Variants in TRPC3 observed in about 807,000 individuals in gnomAD.
TRPC3 encodes short transient receptor potential channel 3.
TRPC3 carries 54 observed loss-of-function variants against 90.9 expected under a neutral mutation model. That is an observed-to-expected ratio of 0.59 (90% CI 0.48 to 0.75). TRPC3 has a LOEUF of 0.75. Ranked by LOEUF, TRPC3 falls within the 30% of genes least tolerant of loss-of-function variation. The probability of loss-of-function intolerance (pLI) is 0.00; values close to 1 mark genes in which losing one functional copy is unlikely to be tolerated. For synonymous variants in TRPC3, 424 were observed against 450.9 expected (o/e 0.94, Z 0.75); for missense variants, 918 against 1,194.5 (o/e 0.77, Z 3.41).
chr4:121,894,623 G>A (rs1394217498), intron 10 of TRPC3, among the ~76,000 whole-genome samples: 2 of 119,106 alleles, frequency 1.7e-5, no homozygotes, highest in African/African-American at 6.5e-5. Flanking sequence ...GAGTGCAGTT[G>A]TACAATCATG....
chr4:121,909,621 T>G (rs1399147989), intron 6 of TRPC3, among the ~76,000 whole-genome samples: 1 of 152,138 alleles, frequency 6.6e-6, no homozygotes, highest in East Asian at 1.9e-4. Flanking sequence ...TTCCATGCCA[T>G]GTGAACAGGA....
In TRPC3 at chr4:121,913,750, G is replaced by T. The variant is rs184027587; in HGVS notation, c.1341+1030C>A. On this transcript the variant is annotated intron_variant, in intron 4 of 11. Coordinates refer to ENST00000379645, the MANE Select transcript of TRPC3 (RefSeq NM_001130698.2). Reference sequence around the variant, plus strand: ...TAATTTTCCATGATACATAACAAAAGAACTTGGCTGAGTCATCAAACATGA... The same window carrying T: ...TAATTTTCCATGATACATAACAAAATAACTTGGCTGAGTCATCAAACATGA... Among the ~76,000 whole-genome samples, 918 of 152,252 alleles carry T rather than the reference G, an allele frequency of 6.0e-3. 7 individuals are homozygous for T. Among genetic ancestry groups the T allele is most frequent in the Non-Finnish European group, 9.8e-3 (670 of 68,026 alleles).
At chr4:121,936,087 C>T (rs1379198314) in intron 1 of TRPC3, among the ~76,000 whole-genome samples, 1 of 152,118 alleles carries the variant, frequency 6.6e-6, no homozygotes, top group Non-Finnish European at 1.5e-5. Flanking sequence ...ACAAATTATA[C>T]TGTTGTTTCA....
At chr4:121,896,007 G>A (rs1056906006) in intron 10 of TRPC3, among the ~76,000 whole-genome samples, 3 of 151,952 alleles carry the variant, frequency 2.0e-5, no homozygotes, top group African/African-American at 7.2e-5. Flanking sequence ...GGAATGCAAG[G>A]ATGTTTCAAC....
rs1727882546 is a variant in TRPC3 at position 121,879,868 on chromosome 4, T to C, written c.2634A>G (p.Lys878=). Residue 878 remains lysine (K), a synonymous_variant, in exon 12 of 12, where the codon AAA becomes AAG. Transcript: ENST00000379645. The part of the protein sequence containing the change: ...ENDEVNEGEL[K]EIKQDISSLR... ...GGCTGGAGATATCTTGCTTGATTTC[T>C]TTTAATTCACCTATAGTATTGATAT... is the stretch of plus-strand genomic sequence containing the variant. 1.3e-6 allele frequency: 2 copies of C among 1,589,898 alleles called. No homozygotes were observed. Among genetic ancestry groups the C allele is most frequent in the South Asian group, 2.3e-5 (2 of 85,304 alleles).
intron 3 of TRPC3, among the ~76,000 whole-genome samples, chr4:121,917,769 A>G (rs1054239026): frequency 3.3e-5 from 5 of 152,242 alleles, no homozygotes. Context: ...GGCTGCAGCC[A>G]GGCTAAGCTT....
chr4:121,908,948 A>G (rs1240653831), intron 6 of TRPC3, among the ~76,000 whole-genome samples: 1 of 152,170 alleles, frequency 6.6e-6, no homozygotes, highest in East Asian at 1.9e-4. Flanking sequence ...ATTTGATATT[A>G]TTATCCTCTC....
chr4:121,951,809 G>A lies in TRPC3; in HGVS notation c.-129C>T, dbSNP rs750908227. 575 of 676,126 alleles carry A rather than the reference G, an allele frequency of 8.5e-4. 1 individual carries two copies. Among genetic ancestry groups the A allele is most frequent in the Admixed American group, 1.6e-3 (36 of 22,762 alleles). The allele number at this position is 676,126 out of a possible 1,614,324, so 41.9% of individuals were successfully genotyped here. A position where few individuals can be genotyped will look rare whatever the true frequency, so the allele number is the denominator to read the frequency against. The stretch of plus-strand genomic sequence containing the variant: ...TCCGGGGCCCCGGGCGGCCCAGGGC[G>A]GGAAGGCAGGAGCGGAGAGCGTCGC... On this transcript the variant is annotated 5_prime_UTR_variant, in exon 1 of 12. Coordinates refer to ENST00000379645, the MANE Select transcript of TRPC3 (RefSeq NM_001130698.2). This position sits in a 1 kb window ranked among gnomAD's most constrained non-coding sequence, Gnocchi z 4.4.
rs528584187 is a variant in TRPC3, at chr4:121,908,284, G to A, written c.1793-717C>T. On this transcript the variant is annotated intron_variant, in intron 6 of 11. Coordinates refer to ENST00000379645, the MANE Select transcript of TRPC3 (RefSeq NM_001130698.2). ...GCAATAACAACAAAACTTAACATTT[G>A]TTGATCAGTTCAGCCACTGTGGAAA... Among the ~76,000 whole-genome samples, 17 of 152,260 alleles carry A rather than the reference G, an allele frequency of 1.1e-4. No homozygotes were observed. In the South Asian group the frequency reaches 3.5e-3, roughly 32 times the overall value.
chr4:121,939,207 C>A (rs1049661535), intron 1 of TRPC3, among the ~76,000 whole-genome samples: 2 of 151,760 alleles, frequency 1.3e-5, no homozygotes, highest in Non-Finnish European at 1.5e-5. Context: ...AAGGGGAGTT[C>A]GAGAAGATAC....
chr4:121,904,392 T>C lies in TRPC3; in HGVS notation c.2183A>G (p.Asn728Ser), dbSNP rs752796351. The change falls in exon 8 of 12, where the codon AAT becomes AGT. Residue 728 changes from asparagine to serine, a missense_variant. Asn to Ser is a conservative substitution (Grantham distance 46). Transcript: ENST00000379645. ...GAGTAAAACGACCACCATAGTTACA[T>C]TGTATATTCCATAAAGAACGTATCC... ...NIGYVLYGIY[N>S]VTMVVVLLNM... 13 of 1,606,074 alleles carry C rather than the reference T, an allele frequency of 8.1e-6. No homozygotes were observed. Among genetic ancestry groups the C allele is most frequent in the African/African-American group, 2.7e-5 (2 of 74,402 alleles).
chr4:121,884,635 C>T (rs2149105362), intron 10 of TRPC3, among the ~76,000 whole-genome samples: 1 of 152,218 alleles, frequency 6.6e-6, no homozygotes, highest in African/African-American at 2.4e-5. Flanking sequence ...CAGGAAGATT[C>T]AAAATGTTAT....
chr4:121,923,774 C>A (rs1167139013), intron 3 of TRPC3, among the ~76,000 whole-genome samples: 1 of 152,172 alleles, frequency 6.6e-6, no homozygotes, highest in Non-Finnish European at 1.5e-5. Context: ...GGCTCTAGTG[C>A]CTGTCCTCTT....
intron 2 of TRPC3, among the ~76,000 whole-genome samples, chr4:121,931,331 C>T (rs566618288): frequency 3.3e-5 from 5 of 152,200 alleles, no homozygotes; most frequent in East Asian, 3.9e-4. Context: ...TGTCTACAAT[C>T]GTCTTTTTAG....
intron 1 of TRPC3, among the ~76,000 whole-genome samples, chr4:121,950,275 C>T (rs1730665598): frequency 6.6e-6 from 1 of 152,140 alleles, no homozygotes; most frequent in Admixed American, 6.5e-5. Context: ...TCTGCGCGCG[C>T]GGAGCAGCGC....
chr4:121,906,854 G>A (rs1456479990), intron 7 of TRPC3, among the ~76,000 whole-genome samples: 2 of 151,988 alleles, frequency 1.3e-5, no homozygotes, highest in East Asian at 3.9e-4. Flanking sequence ...GGAAGAAACT[G>A]GTATTACCAT....
At position 121,879,812 on chromosome 4, in the gene TRPC3, T is replaced by C. The variant is rs1344876736; in HGVS notation, c.2690A>G (p.Gln897Arg). The change falls in exon 12 of 12, where the codon CAA becomes CGA. Residue 897 changes from glutamine to arginine, a missense_variant. By Grantham distance (43) the Gln-to-Arg change is conservative (BLOSUM62 1). Around this residue, in one of 4 missense-constraint regions of TRPC3, gnomAD observed 41 missense variants for 69.4 expected, o/e 0.59. Coordinates refer to ENST00000379645, the MANE Select transcript of TRPC3 (RefSeq NM_001130698.2). ...LRYELLEDKS[Q>R]ATEELAILIH... ...TAGAATGGCTAATTCCTCAGTTGCT[T>C]GGCTCTTGTCTTCCAAAAGTTCATA... 6.2e-7 allele frequency: 1 copy of C among 1,608,672 alleles called. No individual in the cohort carries two copies.
In TRPC3 at chr4:121,932,791, C is replaced by T. The variant is rs556027008; in HGVS notation, c.467G>A (p.Gly156Asp). 2 of 1,611,100 alleles carry T rather than the reference C, an allele frequency of 1.2e-6. No individual in the cohort carries two copies. Among genetic ancestry groups the T allele is most frequent in the Admixed American group, 1.7e-5 (1 of 59,908 alleles). ...MGQNALQLAV[G>D]NEHLEVTELL... ...CTCGGTCACCTCCAGGTGCTCGTTG[C>T]CCACAGCCAGCTGCAGCGCGTTCTG... is the stretch of plus-strand genomic sequence containing the variant. Residue 156 changes from glycine to aspartate, a missense_variant, in exon 2 of 12, where the codon GGC (glycine) becomes GAC (aspartate). Physicochemically the swap from Gly to Asp is moderately conservative, Grantham distance 94. Coordinates refer to ENST00000379645, the MANE Select transcript of TRPC3 (RefSeq NM_001130698.2). This position sits in a 1 kb window ranked among gnomAD's most constrained non-coding sequence, Gnocchi z 7.7.
chr4:121,888,272 C>T (rs1728201436), intron 10 of TRPC3, among the ~76,000 whole-genome samples: 1 of 152,128 alleles, frequency 6.6e-6, no homozygotes. Context: ...ATATAAAACA[C>T]ATAAGGTGAT....
Sources: allele counts gnomAD v4.1 joint callset (sites outside exome capture counted in the v4.1 genomes callset), GRCh38; gene constraint gnomAD v4.1.1; regional missense constraint gnomAD v4.1.1; non-coding constraint Gnocchi (gnomAD v3.1); transcripts MANE v1.5; gene names NCBI Gene and HGNC (gene_info 2026-07-23, HGNC 2026-07-21).